TRIP12: variants seen among roughly 807,000 people sequenced by gnomAD.
TRIP12 encodes E3 ubiquitin-protein ligase TRIP12.
TRIP12 carries 25 observed loss-of-function variants against 244.2 expected under a neutral mutation model. The observed-to-expected ratio is 0.10, with a 90% CI of 0.07 to 0.14. The LOEUF is 0.14. Ranked by LOEUF, TRIP12 falls within the 10% of genes least tolerant of loss-of-function variation. The probability of loss-of-function intolerance (pLI) is 1.00; values close to 1 mark genes in which losing one functional copy is unlikely to be tolerated. For synonymous variants in TRIP12, 905 were observed against 873.1 expected (o/e 1.04, Z -0.64); for missense variants, 1,677 against 2,486.4 (o/e 0.67, Z 6.92).
chr2:229,805,588 A>G, intron 18 of TRIP12, 142 bp downstream of exon 18: 1 of 755,944 alleles, frequency 1.3e-6, no homozygotes, highest in Non-Finnish European at 1.9e-6. Flanking sequence ...AATGGACATG[A>G]TTTAAAAAAT....
At chr2:229,782,878 A>C (rs1391458450) in intron 34 of TRIP12, among the ~76,000 whole-genome samples, 1 of 152,286 alleles carries the variant, frequency 6.6e-6, no homozygotes, top group Non-Finnish European at 1.5e-5. Flanking sequence ...TGAGGGGCAG[A>C]ACCTCCATTA....
At chr2:229,884,722 G>T (rs1305209347) in intron 1 of TRIP12, among the ~76,000 whole-genome samples, 6 of 152,146 alleles carry the variant, frequency 3.9e-5, no homozygotes, top group African/African-American at 1.4e-4. Flanking sequence ...AGTCTCTGCT[G>T]CTGGGAGGCT....
rs185119754 is a variant in TRIP12, at chr2:229,864,815, C to G, written c.99-4284G>C. The stretch of plus-strand genomic sequence containing the variant: ...ACTCTGGGTTATGTGCTTTCAAGAT[C>G]ATTATGTGCTTTCAAGATCATTTGG... On this transcript the variant is annotated intron_variant, in intron 2 of 41. Coordinates refer to ENST00000675903, the MANE Select transcript of TRIP12 (RefSeq NM_001348323.3). Among the ~76,000 whole-genome samples the G allele has an allele frequency of 2.6e-5, 4 of 152,226 alleles. No individual in the cohort carries two copies. In the East Asian group the frequency reaches 5.8e-4, roughly 22 times the overall value.
chr2:229,799,443 A>C (rs1386751378), intron 21 of TRIP12, 60 bp from the exon 22 acceptor site: 1 of 1,481,228 alleles, frequency 6.8e-7, no homozygotes, highest in Non-Finnish European at 9.4e-7. Context: ...ATCTTCACTC[A>C]CTGAAAAAGC....
At chr2:229,818,677 T>C (rs1468707381) in intron 8 of TRIP12, among the ~76,000 whole-genome samples, 165 bp from the exon 9 acceptor site, 1 of 152,198 alleles carries the variant, frequency 6.6e-6, no homozygotes, top group African/African-American at 2.4e-5. Flanking sequence ...GAAGGAAGAA[T>C]TAAATTAGTT....
rs1232037259 is a variant in TRIP12, at chr2:229,859,303, A to T, written c.496T>A (p.Ser166Thr). ...RHLDQEQQLK[S>T]AQSPSTSKAH... ...TTGCTTGTTGATGGTGATTGTGCAG[A>T]TTTCAGTTGTTGCTCCTGGTCTAAA... Residue 166 changes from serine (S) to threonine (T), a missense_variant, in exon 4 of 42, where the codon TCT (serine) becomes ACT (threonine). This residue lies in a region of TRIP12 where 387 missense variants were observed against 392.6 expected (regional missense o/e 0.99). Coordinates refer to ENST00000675903, the MANE Select transcript of TRIP12 (RefSeq NM_001348323.3). The T allele has an allele frequency of 6.2e-7, 1 of 1,614,142 alleles. No individual in the cohort carries two copies. The highest frequency in any genetic ancestry group is 1.7e-5 in the Admixed American group (1 of 60,016).
intron 13 of TRIP12, among the ~76,000 whole-genome samples, chr2:229,812,409 TA>T (rs1479332629): frequency 1.3e-5 from 2 of 152,134 alleles, no homozygotes; most frequent in Non-Finnish European, 2.9e-5. Flanking sequence ...AATAAACACA[TA>T]AACAGATTTT....
chr2:229,767,626 T>C lies in TRIP12; in HGVS notation c.6132A>G (p.Ser2044=), dbSNP rs1574630884. 1 of 1,614,168 alleles carries C rather than the reference T, an allele frequency of 6.2e-7. No homozygotes were observed. Among genetic ancestry groups the C allele is most frequent in the Non-Finnish European group, 8.5e-7 (1 of 1,180,006 alleles). The change falls in exon 42 of 42, where the codon TCA becomes TCG. Residue 2044 remains serine, a synonymous_variant. Coordinates refer to ENST00000675903, the MANE Select transcript of TRIP12 (RefSeq NM_001348323.3). ...GTTTTTCACGCATTATCTCAATGCT[T>C]GAATAGTCCGGCAACTTAAGATAGT... ...CVNYLKLPDY[S]SIEIMREKLL... is the part of the protein sequence containing the mutation.
intron 38 of TRIP12, among the ~76,000 whole-genome samples, chr2:229,773,350 G>C (rs938808938): frequency 6.6e-6 from 1 of 151,830 alleles, no homozygotes; most frequent in Admixed American, 6.6e-5. Flanking sequence ...CTGGGATTAC[G>C]GGCATGAGCC....
chr2:229,817,037 T>C (rs367780200), intron 9 of TRIP12, among the ~76,000 whole-genome samples: 5 of 152,176 alleles, frequency 3.3e-5, no homozygotes, highest in East Asian at 1.9e-4. Context: ...GGTGAAGAAA[T>C]TGTTCTATCC....
At chr2:229,805,993 T>C in intron 17 of TRIP12, 110 bp from the exon 18 acceptor site, 3 of 859,186 alleles carry the variant, frequency 3.5e-6, no homozygotes, top group Non-Finnish European at 3.3e-6. Flanking sequence ...TTTCAACAGG[T>C]TTTAGATGGT....
chr2:229,783,044 C>T (rs1330892702), intron 34 of TRIP12, among the ~76,000 whole-genome samples: 2 of 152,184 alleles, frequency 1.3e-5, no homozygotes, highest in African/African-American at 4.8e-5. Context: ...TCATTTTATT[C>T]ACGGATGATA....
intron 4 of TRIP12, among the ~76,000 whole-genome samples, chr2:229,844,293 T>C (rs1430475407): frequency 6.6e-6 from 1 of 152,256 alleles, no homozygotes. Flanking sequence ...CTCATCATTT[T>C]GCAGGAGAAA....
chr2:229,870,692 A>G (rs961960273), intron 2 of TRIP12, among the ~76,000 whole-genome samples: 3 of 152,234 alleles, frequency 2.0e-5, no homozygotes, highest in African/African-American at 7.2e-5. Context: ...GTAGTTAAGC[A>G]TAGAGTAAAA....
At chr2:229,797,884 T>A in intron 23 of TRIP12, 53 bp from the exon 24 acceptor site, 1 of 1,567,742 alleles carries the variant, frequency 6.4e-7, no homozygotes, top group South Asian at 1.2e-5. Flanking sequence ...AGAAAGGATA[T>A]AACTTCTGAT....
At chr2:229,822,674 A>G (rs1433969852) in intron 8 of TRIP12, among the ~76,000 whole-genome samples, 1 of 152,240 alleles carries the variant, frequency 6.6e-6, no homozygotes, top group Non-Finnish European at 1.5e-5. Flanking sequence ...CGTCTGTCAC[A>G]TAACCAAACA....
chr2:229,823,412 G>T (rs537719263), intron 8 of TRIP12, among the ~76,000 whole-genome samples: 2 of 152,054 alleles, frequency 1.3e-5, no homozygotes, highest in East Asian at 1.9e-4. Flanking sequence ...GGTGGCTCAC[G>T]CCTGTAGTCC....
chr2:229,891,582 AC>A (rs1356385771), intron 1 of TRIP12, among the ~76,000 whole-genome samples: 18 of 152,184 alleles, frequency 1.2e-4, no homozygotes, highest in African/African-American at 4.3e-4. Context: ...AACCTGGGTG[AC>A]AGAGGGAGAC....
At chr2:229,883,435 C>T (rs959499708) in intron 1 of TRIP12, among the ~76,000 whole-genome samples, 5 of 152,210 alleles carry the variant, frequency 3.3e-5, no homozygotes, top group Admixed American at 6.5e-5. Flanking sequence ...TACACTATTA[C>T]ACTGCTAAAA....
Sources: gnomAD v4.1 joint callset for allele counts (sites outside exome capture counted in the v4.1 genomes callset) on GRCh38, gnomAD v4.1.1 for gene constraint, gnomAD v4.1.1 regional missense constraint, MANE v1.5 for transcripts, NCBI Gene and HGNC (gene_info 2026-07-23, HGNC 2026-07-21) for gene names.